The following HIVEP3 variants were observed in gnomAD, a reference collection of about 807,000 sequenced individuals.
HIVEP3 encodes transcription factor HIVEP3.
Under a neutral mutation model 152.8 loss-of-function variants are expected in HIVEP3, and 49 were observed. The ratio of observed to expected loss-of-function variants is 0.32; its 90% confidence interval spans 0.26 to 0.41. HIVEP3 has a LOEUF of 0.41. Ranked by LOEUF, HIVEP3 falls within the 10% of genes least tolerant of loss-of-function variation. The probability of loss-of-function intolerance (pLI) is 1.00; values close to 1 mark genes in which losing one functional copy is unlikely to be tolerated. For missense variants in HIVEP3, 2,790 were observed against 3,103.3 expected, an observed-to-expected ratio of 0.90 and a Z score of 2.40; for synonymous variants, 1,269 against 1,289.0, an observed-to-expected ratio of 0.98 and a Z score of 0.33.
intron 1 of HIVEP3, among the ~76,000 whole-genome samples, chr1:41,986,430 G>A (rs1003509911): frequency 1.1e-4 from 16 of 145,674 alleles, no homozygotes; most frequent in African/African-American, 4.1e-4. Context: ...CTTTTGTGTT[G>A]AATAGGACTT....
At chr1:41,826,168 G>A (rs1053330941) in intron 1 of HIVEP3, among the ~76,000 whole-genome samples, 1 of 152,186 alleles carries the variant, frequency 6.6e-6, no homozygotes, top group Non-Finnish European at 1.5e-5. Context: ...GAACCTGTGA[G>A]CCATTAGCAT....
chr1:41,544,849 CCACCACCACCACCACCACCACCACCA>C (rs1643663337), intron 5 of HIVEP3, among the ~76,000 whole-genome samples: 1 of 84,268 alleles, frequency 1.2e-5, no homozygotes, highest in African/African-American at 6.9e-5. Context: ...ACCACTACCA[CCACCACCACCACCACCACCACCACCA>C]CTACCACCTC....
intron 2 of HIVEP3, among the ~76,000 whole-genome samples, chr1:41,681,197 G>A (rs1282615142): frequency 6.6e-6 from 1 of 152,084 alleles, no homozygotes; most frequent in Non-Finnish European, 1.5e-5. Flanking sequence ...TGGTTCAAGG[G>A]GTTGTCCTGC....
intron 1 of HIVEP3, among the ~76,000 whole-genome samples, chr1:41,995,952 T>C (rs1439954179): frequency 6.6e-6 from 1 of 152,192 alleles, no homozygotes; most frequent in Non-Finnish European, 1.5e-5. Flanking sequence ...CACCTCCTCC[T>C]CTGCCTCAAC....
chr1:41,677,687 A>G (rs1219183864), intron 2 of HIVEP3, among the ~76,000 whole-genome samples: 3 of 152,248 alleles, frequency 2.0e-5, no homozygotes, highest in African/African-American at 7.2e-5. Flanking sequence ...GCTCCCAGCT[A>G]AAGTCCAATA....
At chr1:42,025,533 G>A (rs777968739) in intron 1 of HIVEP3, among the ~76,000 whole-genome samples, 5 of 152,170 alleles carry the variant, frequency 3.3e-5, no homozygotes, top group Non-Finnish European at 5.9e-5. Flanking sequence ...CATTGCTTCT[G>A]TTGTTTCTCG....
intron 6 of HIVEP3, among the ~76,000 whole-genome samples, chr1:41,519,625 T>A (rs1427860230): frequency 6.6e-6 from 1 of 152,152 alleles, no homozygotes; most frequent in Non-Finnish European, 1.5e-5. Context: ...GTCTAATGAA[T>A]TGGTAAGTTT....
intron 1 of HIVEP3, among the ~76,000 whole-genome samples, chr1:41,738,830 C>A (rs1646955262): frequency 6.6e-6 from 1 of 152,246 alleles, no homozygotes; most frequent in Non-Finnish European, 1.5e-5. Flanking sequence ...CTGTCTGCCT[C>A]TTTCCCTACA....
intron 3 of HIVEP3, among the ~76,000 whole-genome samples, chr1:41,588,645 T>C (rs868493331): frequency 5.9e-5 from 9 of 151,922 alleles, no homozygotes; most frequent in Admixed American, 2.6e-4. Flanking sequence ...GGACATGGTG[T>C]TTCTCCAAGC....
intron 1 of HIVEP3, among the ~76,000 whole-genome samples, chr1:42,005,641 T>C (rs1057140245): frequency 1.4e-4 from 21 of 152,166 alleles, no homozygotes; most frequent in African/African-American, 4.3e-4. Context: ...ATCTGAATGG[T>C]TGATAACCTT....
intron 2 of HIVEP3, among the ~76,000 whole-genome samples, chr1:41,685,734 C>T (rs933434719): frequency 6.6e-6 from 1 of 152,210 alleles, no homozygotes; most frequent in Non-Finnish European, 1.5e-5. Flanking sequence ...TATTTGTTTT[C>T]TGTCTGTTTC....
chr1:42,010,019 T>C (rs1302795188), intron 1 of HIVEP3, among the ~76,000 whole-genome samples: 3 of 151,990 alleles, frequency 2.0e-5, no homozygotes, highest in Non-Finnish European at 2.9e-5. Context: ...CTCAGCCTCC[T>C]GAGTAGCTGG....
rs1558012015 is a variant in HIVEP3 at position 41,510,648 on chromosome 1, CG to C, written c.7023del (p.Glu2342SerfsTer140). On this transcript the variant is annotated frameshift_variant, in exon 9 of 9. Transcript: ENST00000372583. LOFTEE classifies it high-confidence loss of function. ...TCCAGCGGCGGGGTGGCAGAAGGCT[CG>C]GGGTTGGTCGGTGCACGCGGGGACT... ...RLESPRAPTN[P>X]EPSATPPLDR... The C allele has an allele frequency of 6.5e-7, 1 of 1,537,180 alleles. No homozygotes were observed. The highest frequency in any genetic ancestry group is 8.8e-7 in the Non-Finnish European group (1 of 1,139,992).
At chr1:42,028,237 A>G (rs1259737699) in intron 1 of HIVEP3, among the ~76,000 whole-genome samples, 2 of 152,200 alleles carry the variant, frequency 1.3e-5, no homozygotes, top group African/African-American at 2.4e-5. Flanking sequence ...TCTAAGCTTT[A>G]GAAGAATAGG....
chr1:41,734,575 GC>G (rs1435724928), intron 1 of HIVEP3, among the ~76,000 whole-genome samples: 7 of 152,222 alleles, frequency 4.6e-5, no homozygotes, highest in Non-Finnish European at 1.0e-4. Context: ...ATTTAGAAAG[GC>G]CCTTTGGGCT....
At chr1:41,924,921 G>A (rs1644960353) in intron 1 of HIVEP3, among the ~76,000 whole-genome samples, 1 of 152,122 alleles carries the variant, frequency 6.6e-6, no homozygotes. Flanking sequence ...AGTAACCAAT[G>A]CCTCCAATCA....
chr1:42,026,300 A>T (rs1570900384), intron 1 of HIVEP3, among the ~76,000 whole-genome samples: 1 of 151,406 alleles, frequency 6.6e-6, no homozygotes, highest in Non-Finnish European at 1.5e-5. Context: ...TTTGACAAAA[A>T]CCTCCTTGTC....
At chr1:41,714,419 A>T (rs1474638832) in intron 1 of HIVEP3, among the ~76,000 whole-genome samples, 1 of 152,216 alleles carries the variant, frequency 6.6e-6, no homozygotes, top group African/African-American at 2.4e-5. Context: ...ACTGAAATCT[A>T]TGAGGCAGAT....
At chr1:42,031,044 G>T (rs1645609917) in intron 1 of HIVEP3, among the ~76,000 whole-genome samples, 1 of 152,196 alleles carries the variant, frequency 6.6e-6, no homozygotes, top group East Asian at 1.9e-4. Context: ...AGCCTAGAGG[G>T]TTCATGCGCC....
Sources: gnomAD v4.1 joint callset for allele counts (sites outside exome capture counted in the v4.1 genomes callset) on GRCh38, gnomAD v4.1.1 for gene constraint, MANE v1.5 for transcripts, NCBI Gene and HGNC (gene_info 2026-07-23, HGNC 2026-07-21) for gene names.